Variants in NPAS3 observed in about 807,000 individuals in gnomAD.
The protein encoded by NPAS3 is neuronal PAS domain-containing protein 3.
Under a neutral mutation model 73.1 loss-of-function variants are expected in NPAS3, and 14 were observed. That is an observed-to-expected ratio of 0.19 (90% CI 0.13 to 0.30). NPAS3 has a LOEUF of 0.30. Among genes scored for constraint, NPAS3 ranks in the 10% least tolerant of loss-of-function variants. The pLI is 1.00. For synonymous variants in NPAS3, 620 were observed against 541.5 expected, an observed-to-expected ratio of 1.14 and a Z score of -2.01; for missense variants, 1,096 against 1,250.0, an observed-to-expected ratio of 0.88 and a Z score of 1.86.
intron 5 of NPAS3, among the ~76,000 whole-genome samples, chr14:33,660,668 T>C (rs1301313025): frequency 6.6e-6 from 1 of 152,256 alleles, no homozygotes; most frequent in Non-Finnish European, 1.5e-5. Flanking sequence ...AATGAATTCC[T>C]TGCAACAGGC....
chr14:33,551,288 G>A (rs370760955), intron 4 of NPAS3, among the ~76,000 whole-genome samples: 2 of 152,200 alleles, frequency 1.3e-5, no homozygotes, highest in African/African-American at 4.8e-5. Context: ...ATTCATTAAG[G>A]GATTCTTTAA....
chr14:33,253,727 G>A (rs2048672613), intron 3 of NPAS3, among the ~76,000 whole-genome samples: 1 of 151,928 alleles, frequency 6.6e-6, no homozygotes, highest in African/African-American at 2.4e-5. Flanking sequence ...ACTCTGGCAT[G>A]CCTTGACTGG....
intron 3 of NPAS3, among the ~76,000 whole-genome samples, chr14:33,355,804 C>T (rs1189602219): frequency 1.3e-5 from 2 of 152,174 alleles, no homozygotes; most frequent in African/African-American, 4.8e-5. Flanking sequence ...AGAGGCTTTC[C>T]TTGATCTTCC....
chr14:33,032,273 A>G (rs547750224), intron 1 of NPAS3, among the ~76,000 whole-genome samples: 11 of 152,206 alleles, frequency 7.2e-5, no homozygotes, highest in Non-Finnish European at 1.2e-4. Flanking sequence ...CAAGGCAATG[A>G]CAGATTGGAA....
intron 3 of NPAS3, among the ~76,000 whole-genome samples, chr14:33,221,274 A>G (rs1480240738): frequency 6.6e-6 from 1 of 152,208 alleles, no homozygotes; most frequent in Non-Finnish European, 1.5e-5. Context: ...TTCAGTCGTT[A>G]GGTCAGAGCA....
chr14:33,338,784 T>G (rs2044342856), intron 3 of NPAS3, among the ~76,000 whole-genome samples: 1 of 152,202 alleles, frequency 6.6e-6, no homozygotes, highest in African/African-American at 2.4e-5. Context: ...TTATACATTT[T>G]ATTAGGGAAT....
At chr14:33,392,961 T>G (rs1449476088) in intron 4 of NPAS3, among the ~76,000 whole-genome samples, 2 of 152,116 alleles carry the variant, frequency 1.3e-5, no homozygotes, top group Non-Finnish European at 2.9e-5. Flanking sequence ...GAAATAATGT[T>G]TGCTGGGGTG....
chr14:33,303,882 A>G (rs1238583937), intron 3 of NPAS3, among the ~76,000 whole-genome samples: 1 of 152,174 alleles, frequency 6.6e-6, no homozygotes, highest in African/African-American at 2.4e-5. Context: ...ACAGAAACAT[A>G]GAAACTCACT....
At chr14:33,274,053 G>A (rs1228554726) in intron 3 of NPAS3, among the ~76,000 whole-genome samples, 1 of 152,182 alleles carries the variant, frequency 6.6e-6, no homozygotes, top group East Asian at 1.9e-4. Context: ...GCTGTTTGGA[G>A]AGACACTACA....
At chr14:33,508,366 T>C (rs1022493178) in intron 4 of NPAS3, among the ~76,000 whole-genome samples, 4 of 151,986 alleles carry the variant, frequency 2.6e-5, no homozygotes, top group African/African-American at 7.2e-5. Flanking sequence ...CTCAGCACTA[T>C]GAAGCAGTGA....
At chr14:33,044,970 T>C (rs1301421628) in intron 1 of NPAS3, among the ~76,000 whole-genome samples, 1 of 152,180 alleles carries the variant, frequency 6.6e-6, no homozygotes, top group Admixed American at 6.5e-5. Flanking sequence ...TCTCTTCTAT[T>C]GCTCTAACAT....
intron 2 of NPAS3, among the ~76,000 whole-genome samples, chr14:33,188,867 G>A (rs376200992): frequency 2.0e-5 from 3 of 152,180 alleles, no homozygotes; most frequent in East Asian, 3.9e-4. Context: ...TAGATATTTG[G>A]GGTTACTTTG....
intron 3 of NPAS3, among the ~76,000 whole-genome samples, chr14:33,297,351 G>A (rs1400929251): frequency 6.6e-6 from 1 of 152,044 alleles, no homozygotes; most frequent in East Asian, 1.9e-4. Context: ...CCCAGTAGAT[G>A]TAATTTATAG....
At chr14:33,704,912 T>A (rs559174510) in intron 6 of NPAS3, among the ~76,000 whole-genome samples, 1 of 152,162 alleles carries the variant, frequency 6.6e-6, no homozygotes, top group Non-Finnish European at 1.5e-5. Context: ...TAGGGTGGCA[T>A]TGCTATGCAC....
chr14:33,260,671 C>T (rs773797745), intron 3 of NPAS3, among the ~76,000 whole-genome samples: 27 of 152,160 alleles, frequency 1.8e-4, no homozygotes, highest in South Asian at 4.1e-4. Flanking sequence ...TGTTTCTCAC[C>T]GATAACAGTT....
chr14:33,072,871 T>G (rs1197484713), intron 2 of NPAS3, among the ~76,000 whole-genome samples: 1 of 152,226 alleles, frequency 6.6e-6, no homozygotes, highest in East Asian at 1.9e-4. Flanking sequence ...TGTTCTTTCA[T>G]GTCGACTTGT....
chr14:33,450,184 A>G lies in NPAS3; in HGVS notation c.468+82916A>G, dbSNP rs560554358. Among the ~76,000 whole-genome samples, 5 of 152,314 alleles carry G rather than the reference A, an allele frequency of 3.3e-5. No individual in the cohort carries two copies. The East Asian group carries it at 9.6e-4, about 29-fold the overall frequency. ...GGACAGCTGGCTGCTCTTCTGGGAC[A>G]CTTTTCTTTATGCAACATATACATT... On this transcript the variant is annotated intron_variant, in intron 4 of 11. Transcript: ENST00000356141.
At chr14:33,078,612 G>T (rs1175593221) in intron 2 of NPAS3, among the ~76,000 whole-genome samples, 1 of 151,568 alleles carries the variant, frequency 6.6e-6, no homozygotes, top group East Asian at 1.9e-4. Flanking sequence ...TATCAGTTAA[G>T]AAAGAGATTG....
At chr14:33,612,439 G>A (rs760419719) in intron 5 of NPAS3, 7 of 455,888 alleles carry the variant, frequency 1.5e-5, no homozygotes, top group South Asian at 7.7e-5. Flanking sequence ...CAGTCACATC[G>A]ACGTCCAAGC....
Sources: allele counts gnomAD v4.1 joint callset (sites outside exome capture counted in the v4.1 genomes callset), GRCh38; gene constraint gnomAD v4.1.1; transcripts MANE v1.5; gene names NCBI Gene and HGNC (gene_info 2026-07-23, HGNC 2026-07-21).